IP6K1: variants seen among roughly 807,000 people sequenced by gnomAD.
IP6K1 encodes the protein ATP:1D-myo-inositol-hexakisphosphate phosphotransferase.
In IP6K1, 13 loss-of-function variants were observed where a neutral mutation model predicts 38.3. The observed-to-expected ratio is 0.34, with a 90% confidence interval of 0.22 to 0.54. The LOEUF is 0.54. Ranked by LOEUF, IP6K1 falls within the 20% of genes least tolerant of loss-of-function variation. The probability of loss-of-function intolerance (pLI) is 0.92; values close to 1 mark genes in which losing one functional copy is unlikely to be tolerated. For synonymous variants in IP6K1, 212 were observed against 229.9 expected, an observed-to-expected ratio of 0.92 and a Z score of 0.70; for missense variants, 397 against 599.8, an observed-to-expected ratio of 0.66 and a Z score of 3.53.
intron 1 of IP6K1, among the ~76,000 whole-genome samples, chr3:49,772,343 T>C (rs1250105824): frequency 6.8e-6 from 1 of 147,838 alleles, no homozygotes; most frequent in Non-Finnish European, 1.5e-5. Context: ...GAAGACTATA[T>C]AATATATAAA....
intron 3 of IP6K1, 60 bp from the exon 4 acceptor site, chr3:49,733,032 C>T (rs1195935539): frequency 4.5e-6 from 6 of 1,331,190 alleles, no homozygotes; most frequent in East Asian, 2.3e-5. Flanking sequence ...TCTGGGGTCC[C>T]GCTGCACAGG....
chr3:49,740,934 A>G (rs2080662482), intron 2 of IP6K1, among the ~76,000 whole-genome samples: 1 of 151,328 alleles, frequency 6.6e-6, no homozygotes, highest in South Asian at 2.1e-4. Flanking sequence ...GCTCACTGCA[A>G]TCTCCGCCTC....
At position 49,773,568 on chromosome 3, in the gene IP6K1, G is replaced by A. The variant is rs374628844; in HGVS notation, c.-129+12786C>T. ...GGAGCCTGCAGTGAGCCAGTGAGCC[G>A]AGATCGCACCACTGCACTCCAGCCT... On this transcript the variant is annotated intron_variant, in intron 1 of 5. Coordinates refer to ENST00000321599, the MANE Select transcript of IP6K1 (RefSeq NM_153273.4). 1.2e-3 allele frequency among the ~76,000 whole-genome samples: 176 copies of A among 152,274 alleles called. 6 individuals are homozygous for A. In the South Asian group the frequency reaches 0.036, roughly 31 times the overall value.
chr3:49,780,309 T>TACACACACACACAC (rs71080553), intron 1 of IP6K1, among the ~76,000 whole-genome samples: 12,872 of 117,476 alleles, frequency 0.11, 1,223 homozygotes, highest in African/African-American at 0.16. Flanking sequence ...TCATCTTTCA[T>TACACACACACACAC]ACACACACAC....
At chr3:49,782,439 G>A (rs2081073492) in intron 1 of IP6K1, among the ~76,000 whole-genome samples, 2 of 152,162 alleles carry the variant, frequency 1.3e-5, no homozygotes, top group South Asian at 4.2e-4. Context: ...ACAGTGCTGG[G>A]ATTACAGGCT....
chr3:49,755,900 T>C lies in IP6K1; in HGVS notation c.-128-7732A>G, dbSNP rs79734311. Among the ~76,000 whole-genome samples, 1,297 of 152,292 alleles carry C rather than the reference T, an allele frequency of 8.5e-3. 145 individuals carry two copies. In the East Asian group the frequency reaches 0.22, roughly 26 times the overall value. On this transcript the variant is annotated intron_variant, in intron 1 of 5. Transcript: ENST00000321599. ...GTATATGAGACTGTAGACACTGATA[T>C]AGATTAGGCATAGTTATGAGGGTGA...
At chr3:49,763,069 C>A (rs1382505697) in intron 1 of IP6K1, among the ~76,000 whole-genome samples, 2 of 151,040 alleles carry the variant, frequency 1.3e-5, no homozygotes, top group East Asian at 3.9e-4. Context: ...GGATTATAGG[C>A]GTGAGCCACC....
intron 1 of IP6K1, among the ~76,000 whole-genome samples, chr3:49,781,144 C>A (rs556055610): frequency 1.9e-4 from 29 of 152,062 alleles, no homozygotes; most frequent in Non-Finnish European, 4.1e-4. Flanking sequence ...TCACTGCAAC[C>A]TCTGCCTTCC....
intron 1 of IP6K1, among the ~76,000 whole-genome samples, chr3:49,771,863 T>C (rs2080962526): frequency 6.6e-6 from 1 of 152,126 alleles, no homozygotes; most frequent in Non-Finnish European, 1.5e-5. Flanking sequence ...AAAAATAAAC[T>C]ACTGATACAG....
rs949730302 is a variant in IP6K1, at chr3:49,727,721, C to A, written c.793-66G>T. On this transcript the variant is annotated intron_variant, in intron 5 of 5. Transcript: ENST00000321599. This position sits in a 1 kb window ranked among gnomAD's most constrained non-coding sequence, Gnocchi z 5.9. ...TCTGAAGAGCTCACAGTGCCCTGGG[C>A]AAACACTGTCTGGAAGGGACTTTGA... The A allele has an allele frequency of 1.3e-4, 197 of 1,514,122 alleles. No individual in the cohort carries two copies. The highest frequency in any genetic ancestry group is 1.6e-4 in the Non-Finnish European group (176 of 1,112,844). 93.8% of individuals were successfully genotyped at this position (1,514,122 alleles called of 1,614,324 possible).
intron 1 of IP6K1, among the ~76,000 whole-genome samples, chr3:49,774,067 C>T (rs982411114): frequency 6.6e-6 from 1 of 151,294 alleles, no homozygotes; most frequent in African/African-American, 2.4e-5. Context: ...ATTTTTTGTC[C>T]GAATTGCAAC....
chr3:49,744,159 T>C (rs1302209071), intron 2 of IP6K1, among the ~76,000 whole-genome samples: 1 of 150,732 alleles, frequency 6.6e-6, no homozygotes, highest in Non-Finnish European at 1.5e-5. Context: ...TCCCAGCACT[T>C]TGGGAGGCCG....
chr3:49,752,007 T>A (rs1156582247), intron 1 of IP6K1, among the ~76,000 whole-genome samples: 2 of 152,130 alleles, frequency 1.3e-5, no homozygotes, highest in South Asian at 4.1e-4. Context: ...AATGTAATTT[T>A]TTGTTGTTGT....
At chr3:49,780,248 ATCT>A (rs1446188130) in intron 1 of IP6K1, among the ~76,000 whole-genome samples, 1 of 150,190 alleles carries the variant, frequency 6.7e-6, no homozygotes, top group Non-Finnish European at 1.5e-5. Flanking sequence ...CATTTGTTAC[ATCT>A]TCTAAATAAA....
chr3:49,727,374 G>A lies in IP6K1; in HGVS notation c.1074C>T (p.Leu358=). 1 of 1,614,108 alleles carries A rather than the reference G, an allele frequency of 6.2e-7. No homozygotes were observed. Among genetic ancestry groups the A allele is most frequent in the South Asian group, 1.1e-5 (1 of 91,082 alleles). The change falls in exon 6 of 6, where the codon CTC becomes CTT. Residue 358 remains leucine (L), a synonymous_variant. Coordinates refer to ENST00000321599, the MANE Select transcript of IP6K1 (RefSeq NM_153273.4). This position sits in a 1 kb window ranked among gnomAD's most constrained non-coding sequence, Gnocchi z 5.9. ...SCLDRRSEMR[L]KHLDMVLPEV... Reference sequence around the variant, plus strand: ...CAGGGAGCACCATGTCCAGGTGCTTGAGACGCATCTCAGACCGGCGGTCCA... The same window carrying A: ...CAGGGAGCACCATGTCCAGGTGCTTAAGACGCATCTCAGACCGGCGGTCCA...
At chr3:49,746,616 A>C (rs1260484462) in intron 2 of IP6K1, among the ~76,000 whole-genome samples, 1 of 148,914 alleles carries the variant, frequency 6.7e-6, no homozygotes. Flanking sequence ...TGGAGGTTGC[A>C]GTAAACCAAG....
At position 49,738,389 on chromosome 3, in the gene IP6K1, T is replaced by C; in HGVS notation, c.257A>G (p.Asp86Gly). Residue 86 changes from aspartate to glycine, a missense_variant, in exon 3 of 6, where the codon GAT becomes GGT. Asp to Gly is a moderately conservative substitution (Grantham distance 94, BLOSUM62 -1). Transcript: ENST00000321599. Reference sequence around the variant, plus strand: ...ATAGGCCACTAAGTTGATGTAACCATCACTGTCCCCCTCAAAACAGACAGA... The same window carrying C: ...ATAGGCCACTAAGTTGATGTAACCACCACTGTCCCCCTCAAAACAGACAGA... ...VVSVCFEGDS[D>G]GYINLVAYPY... The C allele has an allele frequency of 6.2e-7, 1 of 1,614,114 alleles. No homozygotes were observed. The highest frequency in any genetic ancestry group is 2.2e-5 in the East Asian group (1 of 44,880).
chr3:49,764,093 C>G (rs1208161634), intron 1 of IP6K1, among the ~76,000 whole-genome samples: 1 of 151,668 alleles, frequency 6.6e-6, no homozygotes, highest in African/African-American at 2.4e-5. Flanking sequence ...TTATGAAAAC[C>G]CTATAGCTAC....
chr3:49,783,689 C>T (rs1215613378), intron 1 of IP6K1, among the ~76,000 whole-genome samples: 2 of 146,434 alleles, frequency 1.4e-5, no homozygotes, highest in Admixed American at 6.9e-5. Flanking sequence ...CTCCAGCCAG[C>T]GCAACCGAGC....
Sources: gnomAD v4.1 joint callset for allele counts (sites outside exome capture counted in the v4.1 genomes callset) on GRCh38, gnomAD v4.1.1 for gene constraint, Gnocchi (gnomAD v3.1) non-coding constraint, MANE v1.5 for transcripts, NCBI Gene and HGNC (gene_info 2026-07-23, HGNC 2026-07-21) for gene names.